The following DOCK3 variants were observed in gnomAD, a reference collection of about 807,000 sequenced individuals.
DOCK3 encodes the protein dedicator of cytokinesis protein 3.
A neutral mutation model predicts 265.6 loss-of-function variants in DOCK3; 60 were observed. The observed-to-expected ratio is 0.23, with a 90% CI of 0.18 to 0.28. The LOEUF is 0.28. Among genes scored for constraint, DOCK3 ranks in the 10% least tolerant of loss-of-function variants. DOCK3 has a pLI of 1.00. For synonymous variants in DOCK3, 881 were observed against 938.0 expected (o/e 0.94, Z 1.11); for missense variants, 1,981 against 2,594.3 (o/e 0.76, Z 5.14).
At chr3:50,949,513 A>G (rs1700091922) in intron 5 of DOCK3, among the ~76,000 whole-genome samples, 1 of 152,066 alleles carries the variant, frequency 6.6e-6, no homozygotes, top group African/African-American at 2.4e-5. Context: ...GTGATTTCCC[A>G]TTCTTCAATC....
chr3:50,894,603 AT>A (rs999341942), intron 4 of DOCK3, among the ~76,000 whole-genome samples: 1 of 152,168 alleles, frequency 6.6e-6, no homozygotes, highest in Non-Finnish European at 1.5e-5. Context: ...TATATAAATA[AT>A]TTTAGTATAA....
At chr3:50,806,700 C>T (rs1194759974) in intron 2 of DOCK3, among the ~76,000 whole-genome samples, 1 of 151,968 alleles carries the variant, frequency 6.6e-6, no homozygotes, top group Admixed American at 6.6e-5. Context: ...ATTTAGCCAT[C>T]TGTGGGTGCT....
intron 33 of DOCK3, 81 bp downstream of exon 33, chr3:51,330,304 C>T: frequency 7.3e-7 from 1 of 1,378,342 alleles, no homozygotes; most frequent in South Asian, 1.3e-5. Context: ...TGCAACTGCA[C>T]TGGCAGGCTT....
chr3:51,368,560 C>G (rs1018843214), intron 49 of DOCK3, among the ~76,000 whole-genome samples: 3 of 152,192 alleles, frequency 2.0e-5, no homozygotes, highest in Admixed American at 6.5e-5. Context: ...GGCTGGGAAG[C>G]TCGAACTGGG....
intron 1 of DOCK3, among the ~76,000 whole-genome samples, chr3:50,769,811 CAAAAA>C (rs3066895): frequency 5.6e-5 from 5 of 88,528 alleles, no homozygotes; most frequent in Non-Finnish European, 6.7e-5. Flanking sequence ...GACTCTGTCT[CAAAAA>C]AAAAAAAAAA....
chr3:50,738,826 T>A (rs951072686), intron 1 of DOCK3, among the ~76,000 whole-genome samples: 5 of 152,194 alleles, frequency 3.3e-5, no homozygotes, highest in Admixed American at 6.5e-5. Context: ...TAATGAGCCC[T>A]GTTTGTGTTA....
chr3:51,016,223 A>C lies in DOCK3; in HGVS notation c.316-48225A>C, dbSNP rs1463778100. Among the ~76,000 whole-genome samples, 2 of 4,424 alleles carry C rather than the reference A, an allele frequency of 4.5e-4. 1 individual carries two copies. The highest frequency in any genetic ancestry group is 5.8e-4 in the Non-Finnish European group (2 of 3,462). 2.9% of individuals were successfully genotyped at this position (4,424 alleles called of 152,430 possible). ...ATATATCATATATTTCTACATATAT[A>C]TATCATATATTTCTACATATATATA... On this transcript the variant is annotated intron_variant, in intron 5 of 52. Coordinates refer to ENST00000266037, the MANE Select transcript of DOCK3 (RefSeq NM_004947.5).
chr3:51,125,730 C>G (rs2084237451), intron 9 of DOCK3, among the ~76,000 whole-genome samples: 1 of 152,058 alleles, frequency 6.6e-6, no homozygotes, highest in Non-Finnish European at 1.5e-5. Context: ...CTTAAATACT[C>G]TTATATCTTG....
intron 22 of DOCK3, among the ~76,000 whole-genome samples, chr3:51,252,306 G>T (rs1369715246): frequency 6.6e-6 from 1 of 152,208 alleles, no homozygotes. Context: ...GATGCCTCCA[G>T]CTTTGTTCTT....
At chr3:50,859,056 TTTA>T (rs1387057136) in intron 3 of DOCK3, among the ~76,000 whole-genome samples, 3 of 152,072 alleles carry the variant, frequency 2.0e-5, no homozygotes, top group Non-Finnish European at 4.4e-5. Flanking sequence ...CCTGTATCAC[TTTA>T]TTGTGGTTCT....
intron 12 of DOCK3, among the ~76,000 whole-genome samples, chr3:51,180,911 A>G (rs2087253419): frequency 6.6e-6 from 1 of 152,226 alleles, no homozygotes; most frequent in Non-Finnish European, 1.5e-5. Context: ...ATGTTCATGC[A>G]TAGGTCGTTC....
At chr3:51,266,192 T>C (rs2108820411) in intron 23 of DOCK3, among the ~76,000 whole-genome samples, 1 of 152,188 alleles carries the variant, frequency 6.6e-6, no homozygotes, top group African/African-American at 2.4e-5. Flanking sequence ...CACAGACAAA[T>C]GGAAAAACAT....
chr3:51,114,875 C>T (rs1007631091), intron 9 of DOCK3, among the ~76,000 whole-genome samples: 1 of 151,834 alleles, frequency 6.6e-6, no homozygotes, highest in Admixed American at 6.6e-5. Context: ...CATTGTTCAG[C>T]TCCCACTTAC....
intron 12 of DOCK3, among the ~76,000 whole-genome samples, chr3:51,177,466 G>A (rs1396094009): frequency 6.6e-6 from 1 of 152,020 alleles, no homozygotes; most frequent in African/African-American, 2.4e-5. Context: ...TGTTTTAAAG[G>A]CAAACTATAG....
intron 27 of DOCK3, among the ~76,000 whole-genome samples, chr3:51,300,311 A>G (rs1028461306): frequency 1.3e-5 from 2 of 152,148 alleles, no homozygotes; most frequent in Non-Finnish European, 2.9e-5. Context: ...AGACTGAGAC[A>G]ATGGGGTTTT....
At chr3:51,243,828 C>G (rs924869241) in intron 21 of DOCK3, among the ~76,000 whole-genome samples, 28 of 152,124 alleles carry the variant, frequency 1.8e-4, no homozygotes, top group Admixed American at 2.0e-4. Flanking sequence ...TTTTATAATT[C>G]TAGCCCTTAG....
chr3:50,746,264 G>T (rs1003666443), intron 1 of DOCK3, among the ~76,000 whole-genome samples: 8 of 151,814 alleles, frequency 5.3e-5, no homozygotes, highest in Admixed American at 3.9e-4. Flanking sequence ...ACACTACCAT[G>T]CCTGGCTAAT....
At chr3:51,219,390 T>G (rs2089963674) in intron 14 of DOCK3, among the ~76,000 whole-genome samples, 1 of 152,208 alleles carries the variant, frequency 6.6e-6, no homozygotes, top group African/African-American at 2.4e-5. Flanking sequence ...GGGTATCATG[T>G]ACATATTAAT....
chr3:50,834,393 C>A (rs1056152210), intron 2 of DOCK3, among the ~76,000 whole-genome samples: 1 of 152,084 alleles, frequency 6.6e-6, no homozygotes, highest in Non-Finnish European at 1.5e-5. Flanking sequence ...TTTTACATAA[C>A]AAGTTATAAT....
Sources: allele counts gnomAD v4.1 joint callset (sites outside exome capture counted in the v4.1 genomes callset), GRCh38; gene constraint gnomAD v4.1.1; transcripts MANE v1.5; gene names NCBI Gene and HGNC (gene_info 2026-07-23, HGNC 2026-07-21).